PDE4B: variants seen among roughly 807,000 people sequenced by gnomAD.
PDE4B encodes phosphodiesterase 4B, also known as 3',5'-cyclic-AMP phosphodiesterase 4B.
PDE4B carries 20 observed loss-of-function variants against 82.2 expected under a neutral mutation model. The observed-to-expected ratio is 0.24, with a 90% CI of 0.17 to 0.35. PDE4B has a LOEUF of 0.35. Among genes scored for constraint, PDE4B ranks in the 10% least tolerant of loss-of-function variants. PDE4B has a pLI of 1.00. For missense variants in PDE4B, 655 were observed against 907.2 expected (o/e 0.72, Z 3.57); for synonymous variants, 320 against 318.9 (o/e 1.00, Z -0.04).
intron 7 of PDE4B, among the ~76,000 whole-genome samples, chr1:66,307,845 G>T (rs896875208): frequency 2.6e-5 from 4 of 152,104 alleles, no homozygotes; most frequent in African/African-American, 9.7e-5. Context: ...GTTAGGTAAA[G>T]AGTCAAGCAG....
Position 66,266,058 on chromosome 1 carries a change from A to G in PDE4B, c.605A>G (p.Gln202Arg), listed in dbSNP as rs755958986. ...TSNKRSPAASQPPVSRVNPQE... is the reference protein window; with the variant it reads ...TSNKRSPAASRPPVSRVNPQE... ...CACAGGAGGTCCCCAGCTGCTAGTC[A>G]GCCTCCTGTCTCCAGAGTCAACCCA... Residue 202 changes from glutamine (Q) to arginine (R), a missense_variant, in exon 7 of 17, where the codon CAG (glutamine) becomes CGG (arginine). Around this residue, in one of 3 missense-constraint regions of PDE4B, gnomAD observed 253 missense variants for 275.6 expected, o/e 0.92. Coordinates refer to ENST00000341517, the MANE Select transcript of PDE4B (RefSeq NM_002600.4). 6.2e-7 allele frequency: 1 copy of G among 1,613,540 alleles called. No individual in the cohort carries two copies. The highest frequency in any genetic ancestry group is 2.2e-5 in the East Asian group (1 of 44,868).
chr1:65,880,396 TAGG>T (rs1308500745), intron 1 of PDE4B, among the ~76,000 whole-genome samples: 3 of 152,230 alleles, frequency 2.0e-5, no homozygotes, highest in African/African-American at 4.8e-5. Flanking sequence ...CTCTGTGCTG[TAGG>T]AGGTTGATCT....
intron 3 of PDE4B, among the ~76,000 whole-genome samples, chr1:66,234,504 G>T (rs889909672): frequency 1.3e-5 from 2 of 152,184 alleles, no homozygotes; most frequent in East Asian, 3.8e-4. Flanking sequence ...AGCCAGGCTG[G>T]TCTCAAACGC....
At chr1:66,223,611 CTT>C (rs773642376) in intron 3 of PDE4B, among the ~76,000 whole-genome samples, 17 of 152,116 alleles carry the variant, frequency 1.1e-4, no homozygotes, top group Non-Finnish European at 1.9e-4. Context: ...TGATTGTTCC[CTT>C]TCCTTGCTCC....
At chr1:66,146,947 A>T (rs1364427270) in intron 3 of PDE4B, among the ~76,000 whole-genome samples, 2 of 152,196 alleles carry the variant, frequency 1.3e-5, no homozygotes, top group Non-Finnish European at 2.9e-5. Context: ...AATGAGCTGT[A>T]TGCAACTCTA....
At chr1:66,031,953 G>A (rs564083120) in intron 3 of PDE4B, among the ~76,000 whole-genome samples, 44 of 152,272 alleles carry the variant, frequency 2.9e-4, no homozygotes, top group African/African-American at 1.1e-3. Flanking sequence ...TCTTTCAAAG[G>A]TTGGGGCTCC....
intron 3 of PDE4B, among the ~76,000 whole-genome samples, chr1:66,131,993 A>C (rs879661690): frequency 6.6e-5 from 10 of 152,176 alleles, no homozygotes; most frequent in African/African-American, 9.7e-5. Flanking sequence ...AAAGAAAAGC[A>C]GTATGGCTGA....
At chr1:66,041,007 T>C (rs1421011100) in intron 3 of PDE4B, among the ~76,000 whole-genome samples, 7 of 151,918 alleles carry the variant, frequency 4.6e-5, no homozygotes, top group Non-Finnish European at 1.0e-4. Flanking sequence ...TTTTCTGGAA[T>C]TGGTAAGATT....
chr1:66,194,341 T>G (rs1482319356), intron 3 of PDE4B, among the ~76,000 whole-genome samples: 3 of 152,174 alleles, frequency 2.0e-5, no homozygotes, highest in Admixed American at 1.3e-4. Context: ...ATTGCTTAGT[T>G]GAATATGCTA....
chr1:66,091,589 G>A (rs1645026060), intron 3 of PDE4B, among the ~76,000 whole-genome samples: 1 of 151,812 alleles, frequency 6.6e-6, no homozygotes, highest in Non-Finnish European at 1.5e-5. Flanking sequence ...TCTTCTAATT[G>A]ACTGCCACAT....
intron 3 of PDE4B, among the ~76,000 whole-genome samples, chr1:66,240,490 A>ACAAC (rs1169806423): frequency 1.3e-5 from 2 of 152,242 alleles, no homozygotes; most frequent in African/African-American, 4.8e-5. Flanking sequence ...AGTGCAATAG[A>ACAAC]CAACCTACAT....
At chr1:66,371,326 T>A (rs1035420244) in intron 16 of PDE4B, among the ~76,000 whole-genome samples, 5 of 150,914 alleles carry the variant, frequency 3.3e-5, no homozygotes, top group Non-Finnish European at 7.4e-5. Context: ...GCAGCATCTC[T>A]GTAGCTCCCC....
At chr1:66,067,554 A>G (rs370743587) in intron 3 of PDE4B, among the ~76,000 whole-genome samples, 5 of 151,880 alleles carry the variant, frequency 3.3e-5, no homozygotes, top group East Asian at 3.9e-4. Flanking sequence ...TTTCTTGTAA[A>G]TTTGTTTGAG....
chr1:66,095,713 C>A (rs1645101283), intron 3 of PDE4B, among the ~76,000 whole-genome samples: 1 of 151,882 alleles, frequency 6.6e-6, no homozygotes, highest in East Asian at 1.9e-4. Flanking sequence ...ATCACTCTTG[C>A]TTTCCCAATT....
At chr1:66,200,973 G>A (rs923614169) in intron 3 of PDE4B, among the ~76,000 whole-genome samples, 4 of 152,072 alleles carry the variant, frequency 2.6e-5, no homozygotes, top group Admixed American at 2.0e-4. Flanking sequence ...TATGATATTG[G>A]CTGTGGGTTT....
At chr1:65,925,634 T>G (rs919849721) in intron 3 of PDE4B, among the ~76,000 whole-genome samples, 1 of 152,238 alleles carries the variant, frequency 6.6e-6, no homozygotes, top group African/African-American at 2.4e-5. Flanking sequence ...GCATTTGACT[T>G]ATTTATTGCC....
intron 3 of PDE4B, among the ~76,000 whole-genome samples, chr1:66,047,149 G>A (rs1327945830): frequency 6.6e-6 from 1 of 151,860 alleles, no homozygotes; most frequent in East Asian, 1.9e-4. Flanking sequence ...CATCTTTTAA[G>A]CTTTCTGTTC....
chr1:66,306,923 A>T (rs923974299), intron 7 of PDE4B, among the ~76,000 whole-genome samples: 4 of 152,216 alleles, frequency 2.6e-5, no homozygotes, highest in African/African-American at 9.6e-5. Context: ...GCACTTTTGT[A>T]AAAGATCGGG....
chr1:65,989,649 T>A (rs1651137853), intron 3 of PDE4B, among the ~76,000 whole-genome samples: 1 of 152,166 alleles, frequency 6.6e-6, no homozygotes, highest in Admixed American at 6.6e-5. Flanking sequence ...GGGCTAAGGG[T>A]TATACATGAA....
Sources: gnomAD v4.1 joint callset for allele counts (sites outside exome capture counted in the v4.1 genomes callset) on GRCh38, gnomAD v4.1.1 for gene constraint, gnomAD v4.1.1 regional missense constraint, MANE v1.5 for transcripts, NCBI Gene and HGNC (gene_info 2026-07-23, HGNC 2026-07-21) for gene names.